SLC13A3: variants seen among roughly 807,000 people sequenced by gnomAD.
SLC13A3 encodes solute carrier family 13 member 3.
In SLC13A3, 40 loss-of-function variants were observed where a neutral mutation model predicts 59.0. The ratio of observed to expected loss-of-function variants is 0.68; its 90% confidence interval spans 0.53 to 0.88. The LOEUF is 0.88. Among genes scored for constraint, SLC13A3 ranks in the 40% least tolerant of loss-of-function variants. The pLI is 0.00. For synonymous variants in SLC13A3, 317 were observed against 330.3 expected (o/e 0.96, Z 0.44); for missense variants, 699 against 783.2 (o/e 0.89, Z 1.28).
At chr20:46,562,927 C>T (rs1381302455) in intron 12 of SLC13A3, among the ~76,000 whole-genome samples, 6 of 152,190 alleles carry the variant, frequency 3.9e-5, no homozygotes, top group Non-Finnish European at 7.4e-5. Flanking sequence ...AGGGAAAAGG[C>T]CGCAGGAGTC....
chr20:46,613,187 T>TG (rs369123066), intron 2 of SLC13A3, among the ~76,000 whole-genome samples: 2 of 151,992 alleles, frequency 1.3e-5, no homozygotes, highest in African/African-American at 4.8e-5. Flanking sequence ...GGGTGGGGCC[T>TG]GGGGGTCAGC....
intron 1 of SLC13A3, among the ~76,000 whole-genome samples, chr20:46,631,612 C>T (rs965881501): frequency 1.3e-5 from 2 of 152,064 alleles, no homozygotes; most frequent in African/African-American, 4.8e-5. Context: ...AGCCTTGGTC[C>T]CCAACTCAGC....
intron 10 of SLC13A3, among the ~76,000 whole-genome samples, chr20:46,574,948 AT>A (rs1422688841): frequency 1.3e-5 from 2 of 150,354 alleles, no homozygotes; most frequent in African/African-American, 2.4e-5. Context: ...CACCTGGCTA[AT>A]TTTTTTAACC....
intron 1 of SLC13A3, among the ~76,000 whole-genome samples, chr20:46,626,514 A>G (rs752645755): frequency 6.6e-6 from 1 of 152,152 alleles, no homozygotes; most frequent in Non-Finnish European, 1.5e-5. Context: ...GGCAGCAAGT[A>G]GGTCAAGAGT....
At chr20:46,569,999 G>A (rs1018224657) in intron 10 of SLC13A3, among the ~76,000 whole-genome samples, 3 of 152,180 alleles carry the variant, frequency 2.0e-5, no homozygotes, top group African/African-American at 7.2e-5. Context: ...GCTCGGCTGT[G>A]TGCATACAAC....
intron 1 of SLC13A3, among the ~76,000 whole-genome samples, chr20:46,675,201 G>C (rs1026637403): frequency 2.0e-5 from 3 of 151,774 alleles, no homozygotes; most frequent in African/African-American, 7.3e-5. Flanking sequence ...GTGGGGGGAA[G>C]TGGAGTGGTT....
At chr20:46,568,867 C>G (rs1262790595) in intron 10 of SLC13A3, among the ~76,000 whole-genome samples, 2 of 152,242 alleles carry the variant, frequency 1.3e-5, no homozygotes, top group African/African-American at 4.8e-5. Flanking sequence ...GCCACACAGG[C>G]CTTGGCACAG....
At chr20:46,616,804 G>T (rs1019543077) in intron 1 of SLC13A3, among the ~76,000 whole-genome samples, 13 of 152,200 alleles carry the variant, frequency 8.5e-5, no homozygotes, top group African/African-American at 3.1e-4. Context: ...TTCAGACTTG[G>T]CCAAGGCCAC....
intron 1 of SLC13A3, among the ~76,000 whole-genome samples, chr20:46,635,266 C>T (rs890944193): frequency 6.6e-6 from 1 of 152,012 alleles, no homozygotes; most frequent in African/African-American, 2.4e-5. Flanking sequence ...ATATATGGGA[C>T]CCAAAGGGAA....
rs1196951622 is a variant in SLC13A3, at chr20:46,600,292, A to G, written c.542-255T>C. Among the ~76,000 whole-genome samples the G allele has an allele frequency of 3.5e-5, 3 of 85,054 alleles. 1 individual carries two copies. The East Asian group carries it at 9.1e-4, about 26-fold the overall frequency. 55.8% of individuals were successfully genotyped at this position (85,054 alleles called of 152,430 possible). On this transcript the variant is annotated intron_variant, in intron 3 of 12. Coordinates refer to ENST00000279027, the MANE Select transcript of SLC13A3 (RefSeq NM_022829.6). ...AAAGGAAAGGAAAGGAAAGGGAGGG[A>G]AAGAAAGAAAGAAAGAAAGAGGGAA...
chr20:46,598,175 A>G (rs1026876250), intron 4 of SLC13A3, among the ~76,000 whole-genome samples: 24 of 152,238 alleles, frequency 1.6e-4, no homozygotes, highest in Admixed American at 1.1e-3. Flanking sequence ...TCTGGCCTGA[A>G]TCACTACATA....
chr20:46,657,670 A>G (rs1402388704), intron 1 of SLC13A3, among the ~76,000 whole-genome samples: 1 of 152,114 alleles, frequency 6.6e-6, no homozygotes, highest in African/African-American at 2.4e-5. Context: ...AGTAATTTAT[A>G]AAGAAAAGAG....
Position 46,613,516 on chromosome 20 carries a change from G to T in SLC13A3, c.321C>A (p.Asn107Lys). The change falls in exon 2 of 13, where the codon AAC becomes AAA. Residue 107 changes from asparagine (N) to lysine (K), a missense_variant. Transcript: ENST00000279027. ...LIMASAIEEW[N>K]LHRRIALKIL... is the part of the protein sequence containing the mutation. ...TCTTGAGGGCGATTCGCCGGTGCAGGTTCCACTCCTCAATGGCGCTGGCCA... is the reference window on the plus strand; with the variant it reads ...TCTTGAGGGCGATTCGCCGGTGCAGTTTCCACTCCTCAATGGCGCTGGCCA... 6.2e-7 allele frequency: 1 copy of T among 1,613,270 alleles called. No homozygotes were observed. Among genetic ancestry groups the T allele is most frequent in the South Asian group, 1.1e-5 (1 of 90,900 alleles).
chr20:46,575,032 T>C (rs933225777), intron 10 of SLC13A3, among the ~76,000 whole-genome samples: 3 of 151,820 alleles, frequency 2.0e-5, no homozygotes, highest in African/African-American at 7.3e-5. Flanking sequence ...TCCCAGCTAC[T>C]TGGGAGGCTG....
chr20:46,584,495 C>T, intron 8 of SLC13A3: 1 of 985,442 alleles, frequency 1.0e-6, no homozygotes, highest in South Asian at 4.7e-5. Context: ...CTAACCAAAG[C>T]TCTTTCCACT....
At chr20:46,655,883 CT>C (rs2062983900), upstream of SLC13A3, among the ~76,000 whole-genome samples, 1 of 134,434 alleles carries the variant, frequency 7.4e-6, no homozygotes, top group African/African-American at 2.8e-5. Context: ...ATATATTATA[CT>C]GTATATAATA....
At chr20:46,636,188 G>A (rs944302465) in intron 1 of SLC13A3, among the ~76,000 whole-genome samples, 9 of 152,108 alleles carry the variant, frequency 5.9e-5, no homozygotes, top group African/African-American at 1.2e-4. Context: ...GACTCACCCC[G>A]AATCCTTACT....
At chr20:46,601,266 G>A (rs938048557) in intron 3 of SLC13A3, among the ~76,000 whole-genome samples, 11 of 151,970 alleles carry the variant, frequency 7.2e-5, no homozygotes, top group African/African-American at 1.9e-4. Flanking sequence ...GTAGGGAAAG[G>A]GGCAAAAATG....
chr20:46,600,329 A>AAGGG (rs2062364629), intron 3 of SLC13A3, among the ~76,000 whole-genome samples: 1 of 139,976 alleles, frequency 7.1e-6, no homozygotes, highest in African/African-American at 2.7e-5. Flanking sequence ...GAAGGAAAGG[A>AAGGG]AGGAAGGAAG....
Sources: gnomAD v4.1 joint callset for allele counts (sites outside exome capture counted in the v4.1 genomes callset) on GRCh38, gnomAD v4.1.1 for gene constraint, MANE v1.5 for transcripts, NCBI Gene and HGNC (gene_info 2026-07-23, HGNC 2026-07-21) for gene names.